CCNF: variants seen among roughly 807,000 people sequenced by gnomAD.
CCNF encodes cyclin-F.
Under a neutral mutation model 85.4 loss-of-function variants are expected in CCNF, and 30 were observed. The observed-to-expected ratio is 0.35, with a 90% confidence interval of 0.26 to 0.48. The LOEUF is 0.48. CCNF is among the 20% of genes least tolerant of loss of function. The pLI is 0.99. For missense variants in CCNF, 919 were observed against 1,010.4 expected (o/e 0.91, Z 1.23); for synonymous variants, 439 against 425.1 (o/e 1.03, Z -0.40).
At chr16:2,445,169 A>G (rs890883306) in intron 9 of CCNF, among the ~76,000 whole-genome samples, 5 of 152,088 alleles carry the variant, frequency 3.3e-5, no homozygotes, top group African/African-American at 1.2e-4. Flanking sequence ...GGGCAGACCA[A>G]CGGCTGTGGG....
chr16:2,441,957 A>G (rs1596920577), intron 8 of CCNF, among the ~76,000 whole-genome samples: 3 of 124,884 alleles, frequency 2.4e-5, no homozygotes, highest in Non-Finnish European at 3.3e-5. Context: ...ATATATATAT[A>G]TATATATATA....
chr16:2,432,451 G>A (rs2065267515), intron 2 of CCNF, among the ~76,000 whole-genome samples: 1 of 152,126 alleles, frequency 6.6e-6, no homozygotes, highest in South Asian at 2.1e-4. Context: ...TGCTTAAAGT[G>A]TTCACCTGTG....
intron 13 of CCNF, 110 bp downstream of exon 13, chr16:2,450,025 G>T: frequency 1.3e-6 from 1 of 770,192 alleles, no homozygotes; most frequent in East Asian, 2.5e-5. Context: ...TGGCCAACAT[G>T]GTGAAACCCC....
chr16:2,444,246 C>A (rs986045947), intron 9 of CCNF, among the ~76,000 whole-genome samples: 2 of 150,602 alleles, frequency 1.3e-5, no homozygotes, highest in Non-Finnish European at 3.0e-5. Flanking sequence ...CCAGTAATGC[C>A]AAAGTTATCG....
chr16:2,439,362 AAGC>A lies in CCNF; in HGVS notation c.613_615del (p.Gln205del). On this transcript the variant is annotated inframe_deletion, in exon 7 of 17. Coordinates refer to ENST00000397066, the MANE Select transcript of CCNF (RefSeq NM_001761.3). Reference sequence around the variant, plus strand: ...CTGGGATTTATTCTAGGATGAGGAGAAGCAGCAGCAGGCCCATGACCTGTTTGA... The same window carrying A: ...CTGGGATTTATTCTAGGATGAGGAGAAGCAGCAGGCCCATGACCTGTTTGA... The A allele has an allele frequency of 6.2e-7, 1 of 1,605,004 alleles. No homozygotes were observed. The highest frequency in any genetic ancestry group is 8.5e-7 in the Non-Finnish European group (1 of 1,175,516).
At chr16:2,433,721 G>A (rs1165017644) in intron 3 of CCNF, among the ~76,000 whole-genome samples, 1 of 152,216 alleles carries the variant, frequency 6.6e-6, no homozygotes, top group African/African-American at 2.4e-5. Flanking sequence ...GAGTAGCTAG[G>A]ATTACAGGCA....
intron 8 of CCNF, among the ~76,000 whole-genome samples, chr16:2,440,868 C>T (rs146372164): frequency 4.4e-4 from 67 of 152,242 alleles, no homozygotes; most frequent in African/African-American, 1.4e-3. Context: ...TTGGGAGGAT[C>T]GCTTGAGCCC....
chr16:2,436,435 C>T (rs533234618), intron 4 of CCNF: 2 of 152,542 alleles, frequency 1.3e-5, no homozygotes, highest in African/African-American at 4.8e-5. Context: ...GGAACGAGCC[C>T]ATGATCTGTC....
Position 2,438,128 on chromosome 16 carries a change from G to A in CCNF, c.594+5G>A. On this transcript the variant is annotated splice_donor_5th_base_variant and intron_variant, in intron 6 of 16. Coordinates refer to ENST00000397066, the MANE Select transcript of CCNF (RefSeq NM_001761.3). Reference sequence around the variant, plus strand: ...AGAGTGCTGAGTCTGTTCGAGGTGAGTCAAGTTGTTCTCTGCACTGGGACT... The same window carrying A: ...AGAGTGCTGAGTCTGTTCGAGGTGAATCAAGTTGTTCTCTGCACTGGGACT... The A allele has an allele frequency of 6.2e-7, 1 of 1,600,122 alleles. No homozygotes were observed. The highest frequency in any genetic ancestry group is 1.1e-5 in the South Asian group (1 of 90,794).
rs1167194616 is a variant in CCNF at position 2,445,636 on chromosome 16, T to G, written c.1094+14T>G. 1.9e-6 allele frequency: 3 copies of G among 1,608,396 alleles called. No individual in the cohort carries two copies. Among genetic ancestry groups the G allele is most frequent in the East Asian group, 2.2e-5 (1 of 44,848 alleles). The stretch of plus-strand genomic sequence containing the variant: ...CATCTGCACCCGGTGAGAAGCCCCC[T>G]TGGCCCAGCTGGCAGGGACGTGCTG... On this transcript the variant is annotated intron_variant, in intron 10 of 16. Coordinates refer to ENST00000397066, the MANE Select transcript of CCNF (RefSeq NM_001761.3).
At position 2,453,172 on chromosome 16, in the gene CCNF, G is replaced by A. The variant is rs368324012; in HGVS notation, c.1488-38G>A. 5.8e-6 allele frequency: 9 copies of A among 1,561,922 alleles called. No homozygotes were observed. The highest frequency in any genetic ancestry group is 4.1e-5 in the African/African-American group (3 of 73,906). On this transcript the variant is annotated intron_variant, in intron 13 of 16. Coordinates refer to ENST00000397066, the MANE Select transcript of CCNF (RefSeq NM_001761.3). This position sits in a 1 kb window ranked among gnomAD's most constrained non-coding sequence, Gnocchi z 5.6. The stretch of plus-strand genomic sequence containing the variant: ...AACTGAAGCTAAAAATGGGGTGGGG[G>A]TGCCTCACATGTCCACTCCACGTGA...
At chr16:2,435,003 C>G (rs1263505556) in intron 3 of CCNF, among the ~76,000 whole-genome samples, 1 of 152,030 alleles carries the variant, frequency 6.6e-6, no homozygotes, top group Non-Finnish European at 1.5e-5. Context: ...GCTTGTAATC[C>G]CAGCACTTTG....
chr16:2,437,531 T>G, intron 5 of CCNF: 1 of 518,874 alleles, frequency 1.9e-6, no homozygotes, highest in South Asian at 2.9e-5. Context: ...GCTGTGGAGT[T>G]CTGGGTACAC....
chr16:2,456,920 G>A lies in CCNF; in HGVS notation c.2261G>A (p.Ser754Asn), dbSNP rs1422184708. 16 of 1,614,018 alleles carry A rather than the reference G, an allele frequency of 9.9e-6. No homozygotes were observed. Among genetic ancestry groups the A allele is most frequent in the Admixed American group, 1.7e-5 (1 of 60,000 alleles). Residue 754 changes from serine to asparagine, a missense_variant, in exon 17 of 17, where the codon AGT becomes AAT. By Grantham distance (46) the Ser-to-Asn change is conservative. Coordinates refer to ENST00000397066, the MANE Select transcript of CCNF (RefSeq NM_001761.3). This position sits in a 1 kb window ranked among gnomAD's most constrained non-coding sequence, Gnocchi z 4.5. Reference protein sequence around the residue: ...RKSCLQCRPPSPPESSVPQQQ... With the variant: ...RKSCLQCRPPNPPESSVPQQQ... ...TCATGTTTACAGTGTCGTCCCCCAA[G>A]TCCCCCGGAGAGCAGTGTTCCCCAG...
In CCNF at chr16:2,439,769, C is replaced by A; in HGVS notation, c.720C>A (p.Cys240Ter). 6.2e-7 allele frequency: 1 copy of A among 1,614,078 alleles called. No individual in the cohort carries two copies. Among genetic ancestry groups the A allele is most frequent in the Non-Finnish European group, 8.5e-7 (1 of 1,179,934 alleles). The change falls in exon 8 of 17, where the codon TGC becomes TGA. Residue 240 changes from cysteine (C) to a stop codon, truncating the protein, a stop_gained. Coordinates refer to ENST00000397066, the MANE Select transcript of CCNF (RefSeq NM_001761.3). LOFTEE classifies it high-confidence loss of function. Reference sequence around the variant, plus strand: ...GACAGGTGTCAGATCCTGGGCGATGCCTCCACAGCTTCCGAAAACTCAGGG... The same window carrying A: ...GACAGGTGTCAGATCCTGGGCGATGACTCCACAGCTTCCGAAAACTCAGGG... ...RRTDVSDPGR[C>*]LHSFRKLRDY...
chr16:2,434,724 CAAG>C (rs925688589), intron 3 of CCNF, among the ~76,000 whole-genome samples: 6 of 152,234 alleles, frequency 3.9e-5, no homozygotes, highest in African/African-American at 1.4e-4. Context: ...CTCCTTACCC[CAAG>C]AAGAAAGCTT....
chr16:2,437,635 T>A, intron 5 of CCNF: 1 of 353,696 alleles, frequency 2.8e-6, no homozygotes. Flanking sequence ...ACGCCTGTCA[T>A]CCTAGCACTT....
In CCNF at chr16:2,451,967, G is replaced by C. The variant is rs2141829073; in HGVS notation, c.1488-1243G>C. On this transcript the variant is annotated intron_variant, in intron 13 of 16. Coordinates refer to ENST00000397066, the MANE Select transcript of CCNF (RefSeq NM_001761.3). The surrounding 1 kb of genome is among the most constrained non-coding windows in gnomAD (Gnocchi z 4.3). ...CAGCCAACGGCCTGTTGCCTGTTCT[G>C]GCCCTGGTGGGTCGTGGTGCATGAA... Among the ~76,000 whole-genome samples the C allele has an allele frequency of 6.6e-6, 1 of 152,342 alleles. No individual in the cohort carries two copies. The highest frequency in any genetic ancestry group is 2.4e-5 in the African/African-American group (1 of 41,576).
intron 15 of CCNF, among the ~76,000 whole-genome samples, chr16:2,454,737 G>T (rs953929483): frequency 6.6e-6 from 1 of 152,184 alleles, no homozygotes; most frequent in South Asian, 2.1e-4. Context: ...GCCTGGCGCC[G>T]GGCTAAGCAC....
Sources: allele counts gnomAD v4.1 joint callset (sites outside exome capture counted in the v4.1 genomes callset), GRCh38; gene constraint gnomAD v4.1.1; non-coding constraint Gnocchi (gnomAD v3.1); transcripts MANE v1.5; gene names NCBI Gene and HGNC (gene_info 2026-07-23, HGNC 2026-07-21).